SLC24A2: variants seen among roughly 807,000 people sequenced by gnomAD.
SLC24A2 encodes solute carrier family 24 member 2, also known as sodium/potassium/calcium exchanger 2.
SLC24A2 carries 36 observed loss-of-function variants against 62.0 expected under a neutral mutation model. The ratio of observed to expected loss-of-function variants is 0.58; its 90% CI spans 0.44 to 0.77. SLC24A2 has a LOEUF of 0.77. SLC24A2 is among the 30% of genes least tolerant of loss of function. SLC24A2 has a pLI of 0.00. For synonymous variants in SLC24A2, 358 were observed against 294.0 expected, an observed-to-expected ratio of 1.22 and a Z score of -2.23; for missense variants, 846 against 817.9, an observed-to-expected ratio of 1.03 and a Z score of -0.42.
chr9:20,063,077 A>C, the SLC24A2 span, among the ~76,000 whole-genome samples: 1 of 115,218 alleles, frequency 8.7e-6, no homozygotes, highest in South Asian at 3.3e-4. Context: ...TGTGGAAGTC[A>C]GTGTGGCGAT....
chr9:19,683,471 T>G (rs957866731), intron 2 of SLC24A2, among the ~76,000 whole-genome samples: 2 of 151,850 alleles, frequency 1.3e-5, no homozygotes, highest in East Asian at 3.9e-4. Context: ...TGACCACACC[T>G]AGCCATTGTG....
At chr9:20,307,547 G>C in the SLC24A2 span, among the ~76,000 whole-genome samples, 1 of 152,154 alleles carries the variant, frequency 6.6e-6, no homozygotes, top group Non-Finnish European at 1.5e-5. Context: ...CAAATTGTAG[G>C]CATTGTGAGA....
chr9:19,606,226 A>G (rs577539498), intron 4 of SLC24A2, among the ~76,000 whole-genome samples: 79 of 152,342 alleles, frequency 5.2e-4, no homozygotes, highest in African/African-American at 1.7e-3. Context: ...CCATAACTGG[A>G]TAAAAGGTTT....
At chr9:20,005,698 A>G in the SLC24A2 span, among the ~76,000 whole-genome samples, 1 of 152,064 alleles carries the variant, frequency 6.6e-6, no homozygotes, top group Non-Finnish European at 1.5e-5. Flanking sequence ...AGGAAGTTCT[A>G]TTAGATGTAA....
the SLC24A2 span, among the ~76,000 whole-genome samples, chr9:19,826,125 T>A: frequency 1.5e-5 from 2 of 134,250 alleles, no homozygotes; most frequent in African/African-American, 2.9e-5. Flanking sequence ...ACAAAAATGA[T>A]CATAACGCAA....
At chr9:20,014,745 G>C in the SLC24A2 span, among the ~76,000 whole-genome samples, 1 of 152,042 alleles carries the variant, frequency 6.6e-6, no homozygotes, top group Admixed American at 6.6e-5. Context: ...GCTGTAGAGA[G>C]GGAGGAAAAG....
At chr9:20,083,489 T>C in the SLC24A2 span, among the ~76,000 whole-genome samples, 35 of 152,296 alleles carry the variant, frequency 2.3e-4, no homozygotes, top group South Asian at 7.0e-3. Flanking sequence ...AAAATAACCA[T>C]GGTGAAGGAT....
chr9:19,835,190 ACAT>A, the SLC24A2 span, among the ~76,000 whole-genome samples: 3 of 152,240 alleles, frequency 2.0e-5, no homozygotes, highest in Non-Finnish European at 4.4e-5. Flanking sequence ...TAACCAGCTA[ACAT>A]CATAATGACA....
At chr9:20,292,187 T>A in the SLC24A2 span, among the ~76,000 whole-genome samples, 2 of 152,192 alleles carry the variant, frequency 1.3e-5, no homozygotes, top group African/African-American at 4.8e-5. Context: ...GGAAACTGAC[T>A]GCAGTACCTC....
At chr9:20,258,289 T>G in the SLC24A2 span, among the ~76,000 whole-genome samples, 22 of 152,368 alleles carry the variant, frequency 1.4e-4, no homozygotes, top group Admixed American at 1.3e-3. Flanking sequence ...AATGCTTCAG[T>G]AAGCACTGAG....
At chr9:20,197,431 T>A in the SLC24A2 span, among the ~76,000 whole-genome samples, 15 of 142,004 alleles carry the variant, frequency 1.1e-4, no homozygotes, top group Admixed American at 7.7e-4. Context: ...CTCTCTCTTT[T>A]TTTTTTTTTT....
At chr9:19,686,709 A>G (rs1016767592) in intron 2 of SLC24A2, among the ~76,000 whole-genome samples, 1 of 152,148 alleles carries the variant, frequency 6.6e-6, no homozygotes, top group South Asian at 2.1e-4. Flanking sequence ...CACCATGATT[A>G]TAAGTTTTCC....
intron 7 of SLC24A2, among the ~76,000 whole-genome samples, chr9:19,565,969 A>G (rs1252582293): frequency 6.6e-6 from 1 of 151,664 alleles, no homozygotes; most frequent in Admixed American, 6.6e-5. Context: ...TTAATTCAAG[A>G]TGGATTAAAG....
chr9:19,601,787 G>C (rs1418724742), intron 4 of SLC24A2, among the ~76,000 whole-genome samples: 1 of 152,166 alleles, frequency 6.6e-6, no homozygotes, highest in East Asian at 1.9e-4. Flanking sequence ...CCTTGGGCAA[G>C]TTACCTAATG....
At chr9:20,154,052 C>T in the SLC24A2 span, among the ~76,000 whole-genome samples, 6 of 151,704 alleles carry the variant, frequency 4.0e-5, no homozygotes, top group Non-Finnish European at 8.8e-5. Flanking sequence ...TATTTTGTTC[C>T]ATTGGTTTAA....
the SLC24A2 span, among the ~76,000 whole-genome samples, chr9:20,223,007 G>A: frequency 1.3e-5 from 2 of 151,734 alleles, no homozygotes; most frequent in Non-Finnish European, 2.9e-5. Context: ...TGATTATCTA[G>A]GAAATAAAAA....
chr9:19,996,839 T>C, the SLC24A2 span, among the ~76,000 whole-genome samples: 7 of 151,970 alleles, frequency 4.6e-5, no homozygotes, highest in African/African-American at 7.2e-5. Flanking sequence ...AAGTGGTACG[T>C]TTCCCTGGTT....
chr9:19,996,081 C>T, the SLC24A2 span, among the ~76,000 whole-genome samples: 1 of 152,158 alleles, frequency 6.6e-6, no homozygotes, highest in South Asian at 2.1e-4. Context: ...AGCAAAGATG[C>T]TTGTAACTGT....
the SLC24A2 span, among the ~76,000 whole-genome samples, chr9:19,981,762 T>C: frequency 6.6e-6 from 1 of 152,166 alleles, no homozygotes; most frequent in East Asian, 1.9e-4. Context: ...CAGTTACCCA[T>C]GGGAAGTTCT....
Sources: allele counts gnomAD v4.1 joint callset (sites outside exome capture counted in the v4.1 genomes callset), GRCh38; gene constraint gnomAD v4.1.1; transcripts MANE v1.5; gene names NCBI Gene and HGNC (gene_info 2026-07-23, HGNC 2026-07-21).